The following ATP1A4 variants were observed in gnomAD, a reference collection of about 807,000 sequenced individuals.
The protein encoded by ATP1A4 is ATPase Na+/K+ transporting subunit alpha 4, also known as sodium/potassium-transporting ATPase subunit alpha-4.
In ATP1A4, 90 loss-of-function variants were observed where a neutral mutation model predicts 114.3. The observed-to-expected ratio is 0.79, with a 90% confidence interval of 0.66 to 0.94. The LOEUF (loss-of-function observed/expected upper bound fraction) is 0.94. Among genes scored for constraint, ATP1A4 ranks in the 40% least tolerant of loss-of-function variants. The pLI is 0.00. For missense variants in ATP1A4, 1,222 were observed against 1,313.6 expected (o/e 0.93, Z 1.08); for synonymous variants, 511 against 494.1 (o/e 1.03, Z -0.45).
chr1:160,156,230 G>A (rs12410580), intron 4 of ATP1A4, 72 bp downstream of exon 4: 85,735 of 1,046,774 alleles, frequency 0.082, 3,935 homozygotes, highest in Admixed American at 0.096. Flanking sequence ...ATGAAGTCCC[G>A]TGGAAAATTA....
At position 160,159,078 on chromosome 1, in the gene ATP1A4, T is replaced by C; in HGVS notation, c.602T>C (p.Ile201Thr). The change falls in exon 5 of 22, where the codon ATC becomes ACC. Residue 201 changes from isoleucine (I) to threonine (T), a missense_variant. By Grantham distance (89) the Ile-to-Thr change is moderately conservative (BLOSUM62 -1). Coordinates refer to ENST00000368081, the MANE Select transcript of ATP1A4 (RefSeq NM_144699.4). ...QEVVLGDLVE[I>T]KGGDRVPADL... ...GTGGTGTTGGGAGACCTGGTGGAAA[T>C]CAAGGGTGGAGACCGAGTCCCTGCT... 6.2e-7 allele frequency: 1 copy of C among 1,614,064 alleles called. No homozygotes were observed. Among genetic ancestry groups the C allele is most frequent in the Non-Finnish European group, 8.5e-7 (1 of 1,180,010 alleles).
At chr1:160,156,576 C>T (rs1226460988) in intron 4 of ATP1A4, among the ~76,000 whole-genome samples, 10 of 152,048 alleles carry the variant, frequency 6.6e-5, no homozygotes, top group Admixed American at 1.3e-4. Flanking sequence ...TAGTGGCTCA[C>T]GCCTGTAATC....
intron 7 of ATP1A4, among the ~76,000 whole-genome samples, chr1:160,165,117 T>C (rs1652983161): frequency 6.6e-6 from 1 of 152,234 alleles, no homozygotes; most frequent in Non-Finnish European, 1.5e-5. Context: ...ATTCTTCCTA[T>C]GACATGGTCT....
In ATP1A4 at chr1:160,152,119, A is replaced by C. The variant is rs1325672400; in HGVS notation, c.79A>C (p.Lys27Gln). The C allele has an allele frequency of 5.6e-6, 9 of 1,614,004 alleles. No homozygotes were observed. The highest frequency in any genetic ancestry group is 6.8e-6 in the Non-Finnish European group (8 of 1,180,024). ...ACGAAGACCTAAAAAAGGGCTTATC[A>C]AGAAAAAAATGGTGAAGAGGGAAAA... ...PRRRPKKGLI[K>Q]KKMVKREKQK... Residue 27 changes from lysine (K) to glutamine (Q), a missense_variant, in exon 1 of 22, where the codon AAG becomes CAG. Lys to Gln is a moderately conservative substitution (Grantham distance 53, BLOSUM62 1). Coordinates refer to ENST00000368081, the MANE Select transcript of ATP1A4 (RefSeq NM_144699.4).
At chr1:160,180,777 T>G (rs10908766) in intron 18 of ATP1A4, among the ~76,000 whole-genome samples, 21 of 141,210 alleles carry the variant, frequency 1.5e-4, no homozygotes, top group African/African-American at 4.3e-4. Flanking sequence ...TGCAGTGGCA[T>G]GATCTCGGCT....
intron 3 of ATP1A4, 121 bp downstream of exon 3, chr1:160,155,369 T>A: frequency 1.7e-6 from 1 of 573,648 alleles, no homozygotes; most frequent in Non-Finnish European, 3.1e-6. Context: ...ATTATTACAT[T>A]AATGTAATAA....
At position 160,164,258 on chromosome 1, in the gene ATP1A4, C is replaced by G. The variant is rs1379819208; in HGVS notation, c.881C>G (p.Ala294Gly). Residue 294 changes from alanine (A) to glycine (G), a missense_variant, in exon 7 of 22, where the codon GCT becomes GGT. Ala to Gly is a moderately conservative substitution (Grantham distance 60). Coordinates refer to ENST00000368081, the MANE Select transcript of ATP1A4 (RefSeq NM_144699.4). ...GLAVGQTPIA[A>G]EIEHFIHLIT... ...GCGGTTGGCCAGACACCTATCGCTG[C>G]TGAGATCGAACACTTCATCCATCTG... The G allele has an allele frequency of 5.0e-6, 8 of 1,614,226 alleles. No individual in the cohort carries two copies. In the South Asian group the frequency reaches 5.5e-5, roughly 11 times the overall value.
chr1:160,164,636 A>C (rs1025156745), intron 7 of ATP1A4, among the ~76,000 whole-genome samples: 1 of 152,240 alleles, frequency 6.6e-6, no homozygotes, highest in Non-Finnish European at 1.5e-5. Flanking sequence ...GAGAGGAAGC[A>C]AGTTTCAATG....
intron 6 of ATP1A4, among the ~76,000 whole-genome samples, chr1:160,162,531 A>G (rs542385297): frequency 1.3e-5 from 2 of 152,244 alleles, no homozygotes; most frequent in East Asian, 1.9e-4. Flanking sequence ...GGATTTCTCA[A>G]CCACTCACAT....
chr1:160,180,463 GTC>G (rs960513834), intron 18 of ATP1A4, among the ~76,000 whole-genome samples: 2 of 152,094 alleles, frequency 1.3e-5, no homozygotes, highest in Non-Finnish European at 2.9e-5. Flanking sequence ...GCCCTCTGCA[GTC>G]TCTCTCTCAT....
rs760992005 is a variant in ATP1A4, at chr1:160,167,017, C to T, written c.1296C>T (p.Ile432=). 18 of 1,614,042 alleles carry T rather than the reference C, an allele frequency of 1.1e-5. No homozygotes were observed. The highest frequency in any genetic ancestry group is 4.5e-5 in the East Asian group (2 of 44,894). Residue 432 remains isoleucine (I), a synonymous_variant, in exon 9 of 22, where the codon ATC becomes ATT. Coordinates refer to ENST00000368081, the MANE Select transcript of ATP1A4 (RefSeq NM_144699.4). ...ATACCTGGTTTATGCTGGCCCGAAT[C>T]GCTGGCCTCTGCAACCGGGCTGACT... ...SSDTWFMLAR[I]AGLCNRADFK... is the part of the protein sequence containing the mutation.
Position 160,186,345 on chromosome 1 carries a change from C to T in ATP1A4, c.3039C>T (p.Leu1013=), listed in dbSNP as rs529269986. Residue 1013 remains leucine (L), a synonymous_variant, in exon 21 of 22, where the codon CTC becomes CTT. Coordinates refer to ENST00000368081, the MANE Select transcript of ATP1A4 (RefSeq NM_144699.4). ...LIFVYDEIRK[L]LIRQHPDGWV... is the part of the protein sequence containing the mutation. Reference sequence around the variant, plus strand: ...TCGTCTATGATGAAATCAGAAAACTCCTCATCCGTCAGCACCCGGATGGTG... The same window carrying T: ...TCGTCTATGATGAAATCAGAAAACTTCTCATCCGTCAGCACCCGGATGGTG... 62 of 1,613,674 alleles carry T rather than the reference C, an allele frequency of 3.8e-5. No individual in the cohort carries two copies. The Admixed American group carries it at 1.0e-3, about 27-fold the overall frequency.
At chr1:160,182,131 C>G (rs1367299393) in intron 20 of ATP1A4, 100 bp downstream of exon 20, 1 of 954,086 alleles carries the variant, frequency 1.0e-6, no homozygotes, top group East Asian at 2.4e-5. Context: ...CAGGAGCTGC[C>G]TGGATACATG....
chr1:160,181,703 T>C lies in ATP1A4; in HGVS notation c.2756T>C (p.Val919Ala). The C allele has an allele frequency of 6.2e-7, 1 of 1,614,118 alleles. No homozygotes were observed. Among genetic ancestry groups the C allele is most frequent in the Non-Finnish European group, 8.5e-7 (1 of 1,180,026 alleles). The change falls in exon 19 of 22, where the codon GTT becomes GCT. Residue 919 changes from valine to alanine, a missense_variant. By Grantham distance (64) the Val-to-Ala change is moderately conservative (BLOSUM62 0). Coordinates refer to ENST00000368081, the MANE Select transcript of ATP1A4 (RefSeq NM_144699.4). ...GQQWTYEQRK[V>A]VEFTCQTAFF... ...CTCTAGACCTATGAGCAACGAAAAG[T>C]TGTGGAGTTCACATGCCAAACGGCC... is the stretch of plus-strand genomic sequence containing the variant.
intron 12 of ATP1A4, among the ~76,000 whole-genome samples, chr1:160,172,679 A>G (rs1402337252): frequency 1.3e-5 from 2 of 152,188 alleles, no homozygotes; most frequent in African/African-American, 4.8e-5. Context: ...TTACCTGTGT[A>G]TTCTGGCTCC....
chr1:160,161,244 G>GT (rs1652854379), intron 6 of ATP1A4, among the ~76,000 whole-genome samples: 1 of 152,138 alleles, frequency 6.6e-6, no homozygotes, highest in Non-Finnish European at 1.5e-5. Flanking sequence ...TTTAACCTTT[G>GT]CCTTAGACCA....
intron 6 of ATP1A4, among the ~76,000 whole-genome samples, chr1:160,160,254 T>C (rs536595629): frequency 6.6e-6 from 1 of 152,334 alleles, no homozygotes; most frequent in East Asian, 1.9e-4. Context: ...TCTCTCTCTG[T>C]TGCTCAGGCT....
At chr1:160,153,247 A>T (rs1260062015) in intron 2 of ATP1A4, 23 bp downstream of exon 2, 1 of 1,606,192 alleles carries the variant, frequency 6.2e-7, no homozygotes, top group East Asian at 2.2e-5. Flanking sequence ...CTCCCTGAGG[A>T]GGCAGAGAGT....
At chr1:160,157,936 C>G (rs1167812614) in intron 4 of ATP1A4, among the ~76,000 whole-genome samples, 22 of 152,138 alleles carry the variant, frequency 1.4e-4, no homozygotes, top group Admixed American at 1.4e-3. Context: ...TGGAAACTTG[C>G]AAAGGAATAG....
Sources: allele counts gnomAD v4.1 joint callset (sites outside exome capture counted in the v4.1 genomes callset), GRCh38; gene constraint gnomAD v4.1.1; transcripts MANE v1.5; gene names NCBI Gene and HGNC (gene_info 2026-07-23, HGNC 2026-07-21).